The following PCSK2 variants were observed in gnomAD, a reference collection of about 807,000 sequenced individuals.
The protein encoded by PCSK2 is neuroendocrine convertase 2.
A neutral mutation model predicts 69.7 loss-of-function variants in PCSK2; 14 were observed. The observed-to-expected ratio is 0.20, with a 90% CI of 0.13 to 0.31. PCSK2 has a LOEUF of 0.31. PCSK2 is among the 10% of genes least tolerant of loss of function. The probability of loss-of-function intolerance (pLI) is 1.00; values close to 1 mark genes in which losing one functional copy is unlikely to be tolerated. For missense variants in PCSK2, 544 were observed against 842.5 expected, an observed-to-expected ratio of 0.65 and a Z score of 4.39; for synonymous variants, 307 against 320.7, an observed-to-expected ratio of 0.96 and a Z score of 0.46.
intron 6 of PCSK2, among the ~76,000 whole-genome samples, chr20:17,415,319 GA>G (rs1255681229): frequency 1.7e-4 from 26 of 152,244 alleles, no homozygotes; most frequent in South Asian, 6.2e-4. Context: ...CTTAAGCTGA[GA>G]AGCAACTTCA....
intron 1 of PCSK2, among the ~76,000 whole-genome samples, chr20:17,254,094 A>T (rs1801479420): frequency 6.6e-6 from 1 of 152,220 alleles, no homozygotes; most frequent in Admixed American, 6.5e-5. Context: ...AACATTTTTA[A>T]AACATTCCTG....
intron 2 of PCSK2, among the ~76,000 whole-genome samples, chr20:17,321,179 A>G (rs1989856234): frequency 6.6e-6 from 1 of 152,222 alleles, no homozygotes; most frequent in African/African-American, 2.4e-5. Context: ...AGGAAGCAAT[A>G]TTAGTTAGAT....
Position 17,227,437 on chromosome 20 carries a change from C to A in PCSK2, c.132C>A (p.Asp44Glu), listed in dbSNP as rs1383425066. 1.2e-6 allele frequency: 2 copies of A among 1,613,926 alleles called. No homozygotes were observed. The highest frequency in any genetic ancestry group is 1.7e-5 in the Admixed American group (1 of 60,010). The change falls in exon 1 of 12, where the codon GAC becomes GAA. Residue 44 changes from aspartate (D) to glutamate (E), a missense_variant. By Grantham distance (45) the Asp-to-Glu change is conservative. Around this residue, in one of 3 missense-constraint regions of PCSK2, gnomAD observed 157 missense variants for 155.0 expected, o/e 1.01. Coordinates refer to ENST00000262545, the MANE Select transcript of PCSK2 (RefSeq NM_002594.5). ...TGGAGTTGCATAAAGGGGGAGAGGACAAAGCTCGCCAAGTTGCAGCAGAAC... is the reference window on the plus strand; with the variant it reads ...TGGAGTTGCATAAAGGGGGAGAGGAAAAAGCTCGCCAAGTTGCAGCAGAAC... ...FLVELHKGGE[D>E]KARQVAAEHG...
intron 10 of PCSK2, among the ~76,000 whole-genome samples, chr20:17,462,686 C>T (rs530331591): frequency 6.6e-6 from 1 of 152,352 alleles, no homozygotes; most frequent in South Asian, 2.1e-4. Flanking sequence ...AGACACTCAA[C>T]AGACATCCAT....
intron 5 of PCSK2, among the ~76,000 whole-genome samples, chr20:17,372,747 A>C (rs965018471): frequency 6.6e-6 from 1 of 152,136 alleles, no homozygotes; most frequent in Non-Finnish European, 1.5e-5. Flanking sequence ...AAAACTGAAC[A>C]CCTAACTACC....
chr20:17,244,140 C>T lies in PCSK2; in HGVS notation c.178-16100C>T, dbSNP rs1048878573. 3.3e-5 allele frequency among the ~76,000 whole-genome samples: 5 copies of T among 152,156 alleles called. 1 individual carries two copies. In the South Asian group the frequency reaches 6.2e-4, roughly 19 times the overall value. ...TCTCAAATGATTCACCAAAGTAATA[C>T]GTATATGTAGGAAAATAATTTTTTA... On this transcript the variant is annotated intron_variant, in intron 1 of 11. Coordinates refer to ENST00000262545, the MANE Select transcript of PCSK2 (RefSeq NM_002594.5).
chr20:17,336,287 C>T (rs535590273), intron 2 of PCSK2, among the ~76,000 whole-genome samples: 14 of 152,218 alleles, frequency 9.2e-5, no homozygotes, highest in Non-Finnish European at 1.6e-4. Context: ...AGGTATACAC[C>T]ATCCTTTCTT....
intron 11 of PCSK2, among the ~76,000 whole-genome samples, chr20:17,476,800 T>C (rs369428347): frequency 2.0e-5 from 3 of 152,348 alleles, no homozygotes; most frequent in African/African-American, 7.2e-5. Flanking sequence ...GTTTCTGATC[T>C]TGTTCTGAAT....
chr20:17,375,931 C>T (rs2030912278), intron 5 of PCSK2, among the ~76,000 whole-genome samples: 1 of 152,182 alleles, frequency 6.6e-6, no homozygotes, highest in South Asian at 2.1e-4. Context: ...GTTTCCTACC[C>T]CTTGACTTTG....
At chr20:17,387,926 T>A (rs1046787298) in intron 5 of PCSK2, among the ~76,000 whole-genome samples, 29 of 152,296 alleles carry the variant, frequency 1.9e-4, no homozygotes, top group Admixed American at 1.7e-3. Context: ...ATAAATGTGT[T>A]TAATATGGAG....
At chr20:17,440,862 C>CA (rs3076117) in intron 8 of PCSK2, among the ~76,000 whole-genome samples, 2,375 of 122,866 alleles carry the variant, frequency 0.019, 20 homozygotes, top group Admixed American at 0.027. Flanking sequence ...AACTCTATCT[C>CA]AAAAAAAAAA....
chr20:17,315,366 C>T (rs1364542368), intron 2 of PCSK2, among the ~76,000 whole-genome samples: 1 of 152,140 alleles, frequency 6.6e-6, no homozygotes, highest in East Asian at 1.9e-4. Context: ...GATTTGCACA[C>T]TTATTTATAG....
chr20:17,436,405 A>G (rs1283985191), intron 7 of PCSK2, among the ~76,000 whole-genome samples: 5 of 152,232 alleles, frequency 3.3e-5, no homozygotes, highest in Admixed American at 2.6e-4. Context: ...CTACTTAGAA[A>G]CGAGCTTATC....
chr20:17,376,809 C>G (rs1359680557), intron 5 of PCSK2, among the ~76,000 whole-genome samples: 1 of 152,216 alleles, frequency 6.6e-6, no homozygotes, highest in Admixed American at 6.5e-5. Flanking sequence ...CCTCTTAACA[C>G]TTATCACAGT....
chr20:17,372,007 GT>G (rs2030778844), intron 5 of PCSK2, among the ~76,000 whole-genome samples: 1 of 152,168 alleles, frequency 6.6e-6, no homozygotes, highest in South Asian at 2.1e-4. Flanking sequence ...AATTCTCCTG[GT>G]ACAATGAGGC....
At chr20:17,432,012 T>C (rs1388075980) in intron 7 of PCSK2, among the ~76,000 whole-genome samples, 1 of 152,136 alleles carries the variant, frequency 6.6e-6, no homozygotes, top group Admixed American at 6.5e-5. Context: ...GGCGCCCCTG[T>C]GATGTCTGAG....
Position 17,245,526 on chromosome 20 carries a change from G to T in PCSK2, c.178-14714G>T, listed in dbSNP as rs185308352. Among the ~76,000 whole-genome samples, 973 of 152,276 alleles carry T rather than the reference G, an allele frequency of 6.4e-3. 4 individuals are homozygous for T. The highest frequency in any genetic ancestry group is 0.014 in the Middle Eastern group (4 of 294). On this transcript the variant is annotated intron_variant, in intron 1 of 11. Transcript: ENST00000262545. Reference sequence around the variant, plus strand: ...AACTCTGAACCCAAAGCTGATGTTTGGGAGTAGTTAACTTCTTCTCTTGTT... The same window carrying T: ...AACTCTGAACCCAAAGCTGATGTTTTGGAGTAGTTAACTTCTTCTCTTGTT...
At position 17,341,596 on chromosome 20, in the gene PCSK2, G is replaced by A. The variant is rs1371960796; in HGVS notation, c.283-16731G>A. ...TTTATCTATTCAGCCGCACTGAATA[G>A]CTACACTACTTAGCAGCAATTCTTT... is the stretch of plus-strand genomic sequence containing the variant. On this transcript the variant is annotated intron_variant, in intron 2 of 11. Coordinates refer to ENST00000262545, the MANE Select transcript of PCSK2 (RefSeq NM_002594.5). 2.6e-5 allele frequency among the ~76,000 whole-genome samples: 4 copies of A among 152,210 alleles called. No homozygotes were observed. In the South Asian group the frequency reaches 8.3e-4, roughly 32 times the overall value.
intron 4 of PCSK2, among the ~76,000 whole-genome samples, chr20:17,363,380 T>C (rs2030470950): frequency 6.6e-6 from 1 of 152,222 alleles, no homozygotes; most frequent in African/African-American, 2.4e-5. Context: ...AGGACCTCCA[T>C]GGTTAGCTGC....
Sources: allele counts gnomAD v4.1 joint callset (sites outside exome capture counted in the v4.1 genomes callset), GRCh38; gene constraint gnomAD v4.1.1; regional missense constraint gnomAD v4.1.1; transcripts MANE v1.5; gene names NCBI Gene and HGNC (gene_info 2026-07-23, HGNC 2026-07-21).